ZNF740: variants seen among roughly 807,000 people sequenced by gnomAD.
ZNF740 encodes the protein zinc finger protein 740.
In ZNF740, 14 loss-of-function variants were observed where a neutral mutation model predicts 24.8. That is an observed-to-expected ratio of 0.56 (90% CI 0.37 to 0.88). ZNF740 has a LOEUF of 0.88. ZNF740 is among the 40% of genes least tolerant of loss of function. ZNF740 has a pLI of 0.00. For synonymous variants in ZNF740, 69 were observed against 84.0 expected, an observed-to-expected ratio of 0.82 and a Z score of 0.98; for missense variants, 201 against 247.9, an observed-to-expected ratio of 0.81 and a Z score of 1.27.
intron 2 of ZNF740, among the ~76,000 whole-genome samples, chr12:53,182,426 G>C (rs1941684974): frequency 6.6e-6 from 1 of 152,184 alleles, no homozygotes; most frequent in African/African-American, 2.4e-5. Context: ...AGGCTAGTTG[G>C]GGTCGGGAGA....
At chr12:53,184,198 T>TGTGA (rs1555175934) in intron 2 of ZNF740, among the ~76,000 whole-genome samples, 3 of 146,040 alleles carry the variant, frequency 2.1e-5, no homozygotes, top group Admixed American at 1.4e-4. Flanking sequence ...TGTGTGTGTG[T>TGTGA]GTGAGTGACG....
chr12:53,192,753 G>C lies in ZNF740; in HGVS notation c.*5163G>C. The C allele has an allele frequency of 1.2e-6, 2 of 1,614,234 alleles. No individual in the cohort carries two copies. The highest frequency in any genetic ancestry group is 1.7e-6 in the Non-Finnish European group (2 of 1,180,050). On this transcript the variant is annotated 3_prime_UTR_variant, in exon 7 of 7. Transcript: ENST00000416904. Reference sequence around the variant, plus strand: ...GGTCGCATAGAGCACCATAGTAGCCGTCCAAGCACTGGCAGCGGTTGCATT... The same window carrying C: ...GGTCGCATAGAGCACCATAGTAGCCCTCCAAGCACTGGCAGCGGTTGCATT...
chr12:53,184,146 T>TGTGTGTGC (rs1555175889), intron 2 of ZNF740, among the ~76,000 whole-genome samples: 1 of 103,200 alleles, frequency 9.7e-6, no homozygotes, highest in Admixed American at 9.9e-5. Context: ...TGTGTGTGTG[T>TGTGTGTGC]GTGTGCGCGC....
At position 53,187,555 on chromosome 12, in the gene ZNF740, C is replaced by G. The variant is rs549851436; in HGVS notation, c.547C>G (p.Gln183Glu). ...LRHKRMCQGC[Q>E]SKTSDGQFSL ...ACACAAACGGATGTGCCAAGGGTGC[C>G]AGTCCAAGACTTCCGACGGGCAGTT... Residue 183 changes from glutamine to glutamate, a missense_variant, in exon 7 of 7, where the codon CAG (glutamine) becomes GAG (glutamate). Physicochemically the swap from Gln to Glu is conservative, Grantham distance 29. This residue lies in a region of ZNF740 where 24 missense variants were observed against 17.8 expected (regional missense o/e 1.35). Transcript: ENST00000416904. 1 of 1,613,996 alleles carries G rather than the reference C, an allele frequency of 6.2e-7. No homozygotes were observed. The highest frequency in any genetic ancestry group is 1.1e-5 in the South Asian group (1 of 91,088).
rs1188565907 is a variant in ZNF740 at position 53,184,962 on chromosome 12, G to A, written c.81G>A (p.Met27Ile). 6.2e-7 allele frequency: 1 copy of A among 1,614,066 alleles called. No individual in the cohort carries two copies. Among genetic ancestry groups the A allele is most frequent in the Non-Finnish European group, 8.5e-7 (1 of 1,179,910 alleles). ...LVPTAASKKMMLSQIASKQAE... is the reference protein window; with the variant it reads ...LVPTAASKKMILSQIASKQAE... ...CCACTGCAGCCAGCAAGAAGATGAT[G>A]CTGAGCCAGATTGCCAGCAAGCAGG... is the stretch of plus-strand genomic sequence containing the variant. Residue 27 changes from methionine (M) to isoleucine (I), a missense_variant, in exon 3 of 7, where the codon ATG (methionine) becomes ATA (isoleucine). Physicochemically the swap from Met to Ile is conservative, Grantham distance 10. Coordinates refer to ENST00000416904, the MANE Select transcript of ZNF740 (RefSeq NM_001004304.4).
In ZNF740 at chr12:53,193,427, C is replaced by T. The variant is rs1942039938; in HGVS notation, c.*5837C>T. The T allele has an allele frequency of 2.5e-6, 3 of 1,223,754 alleles. No homozygotes were observed. The highest frequency in any genetic ancestry group is 3.2e-5 in the South Asian group (2 of 63,410). The allele number at this position is 1,223,754 out of a possible 1,614,324, so 75.8% of individuals were successfully genotyped here. Reference sequence around the variant, plus strand: ...GTTTGATCACCCCTGACTTGTCTCTCCCAGGAACCTCTAAACCCAAGTTCT... The same window carrying T: ...GTTTGATCACCCCTGACTTGTCTCTTCCAGGAACCTCTAAACCCAAGTTCT... On this transcript the variant is annotated 3_prime_UTR_variant, in exon 7 of 7. Coordinates refer to ENST00000416904, the MANE Select transcript of ZNF740 (RefSeq NM_001004304.4).
Position 53,191,688 on chromosome 12 carries a change from C to T in ZNF740, c.*4098C>T. ...GCAAAAATCCCAGGATTCCTCGTCC[C>T]CTTTCTAGACCTAAGAGGCCAGCCT... On this transcript the variant is annotated 3_prime_UTR_variant, in exon 7 of 7. Transcript: ENST00000416904. The T allele has an allele frequency of 6.4e-7, 1 of 1,559,982 alleles. No homozygotes were observed. The highest frequency in any genetic ancestry group is 8.8e-7 in the Non-Finnish European group (1 of 1,130,962).
In ZNF740 at chr12:53,185,372, G is replaced by C. The variant is rs770793935; in HGVS notation, c.160-15G>C. 6.8e-6 allele frequency: 11 copies of C among 1,613,586 alleles called. No homozygotes were observed. The highest frequency in any genetic ancestry group is 9.3e-6 in the Non-Finnish European group (11 of 1,179,644). ...CGAGATGGGCTATGAGTTTAGATTT[G>C]ATTTGTCTTCAAAGGGTCACCGAAA... is the stretch of plus-strand genomic sequence containing the variant. On this transcript the variant is annotated splice_polypyrimidine_tract_variant and intron_variant, in intron 3 of 6. Transcript: ENST00000416904.
chr12:53,194,574 G>T lies in ZNF740; in HGVS notation c.*6984G>T. 2.1e-6 allele frequency: 1 copy of T among 470,268 alleles called. No individual in the cohort carries two copies. Among genetic ancestry groups the T allele is most frequent in the Non-Finnish European group, 3.9e-6 (1 of 256,466 alleles). The allele number at this position is 470,268 out of a possible 1,614,324, so 29.1% of individuals were successfully genotyped here. ...ATACAGCATTTCAGTGCAGCTGCCA[G>T]CAAGGGCCACTGAGGGTCACAGGCT... is the stretch of plus-strand genomic sequence containing the variant. On this transcript the variant is annotated 3_prime_UTR_variant, in exon 7 of 7. Transcript: ENST00000416904.
rs1166685125 is a variant in ZNF740 at position 53,192,422 on chromosome 12, C to T, written c.*4832C>T. On this transcript the variant is annotated 3_prime_UTR_variant, in exon 7 of 7. Transcript: ENST00000416904. ...CTGGTTGTCCAGGGTCCGCTCTTTG[C>T]ACCAGCCATCATCCAAGATAGGGGC... 3 of 1,614,128 alleles carry T rather than the reference C, an allele frequency of 1.9e-6. No individual in the cohort carries two copies. The highest frequency in any genetic ancestry group is 2.2e-5 in the South Asian group (2 of 91,072).
Position 53,194,330 on chromosome 12 carries a change from G to A in ZNF740, c.*6740G>A, listed in dbSNP as rs773859000. ...GGAGTGAAGAGTGTTCAAGGGTCAC[G>A]GTGGAAGACAGGCTCTATGGGAAGA... On this transcript the variant is annotated 3_prime_UTR_variant, in exon 7 of 7. Coordinates refer to ENST00000416904, the MANE Select transcript of ZNF740 (RefSeq NM_001004304.4). The A allele has an allele frequency of 1.3e-5, 21 of 1,613,856 alleles. No homozygotes were observed. The Admixed American group carries it at 2.8e-4, about 22-fold the overall frequency.
chr12:53,192,214 G>T lies in ZNF740; in HGVS notation c.*4624G>T. ...CTCAATTGCCTCTGCCTTTGTCCTGGATTCACAGTTCTGCTTCAGCCCCCA... is the reference window on the plus strand; with the variant it reads ...CTCAATTGCCTCTGCCTTTGTCCTGTATTCACAGTTCTGCTTCAGCCCCCA... On this transcript the variant is annotated 3_prime_UTR_variant, in exon 7 of 7. Transcript: ENST00000416904. The T allele has an allele frequency of 7.8e-7, 1 of 1,276,324 alleles. No individual in the cohort carries two copies. The highest frequency in any genetic ancestry group is 1.1e-6 in the Non-Finnish European group (1 of 906,862). The allele number at this position is 1,276,324 out of a possible 1,614,324, so 79.1% of individuals were successfully genotyped here. A position where few individuals can be genotyped will look rare whatever the true frequency, so the allele number is the denominator to read the frequency against.
Position 53,193,770 on chromosome 12 carries a change from G to A in ZNF740, c.*6180G>A. ...TGCAGTGGGGAGCCTGGGGCTGGGT[G>A]TCACTGCAATTACAGTCACACAGCG... On this transcript the variant is annotated 3_prime_UTR_variant, in exon 7 of 7. Transcript: ENST00000416904. 2 of 1,614,076 alleles carry A rather than the reference G, an allele frequency of 1.2e-6. No individual in the cohort carries two copies. The highest frequency in any genetic ancestry group is 1.7e-6 in the Non-Finnish European group (2 of 1,180,002).
chr12:53,182,469 A>G (rs1164884932), intron 2 of ZNF740, among the ~76,000 whole-genome samples: 1 of 152,156 alleles, frequency 6.6e-6, no homozygotes, highest in Non-Finnish European at 1.5e-5. Flanking sequence ...TATATTCACA[A>G]TGCCTTGTAT....
In ZNF740 at chr12:53,194,163, C is replaced by T. The variant is rs1419077389; in HGVS notation, c.*6573C>T. ...CTTAATTTCCCACTCCCACCTCCCCCTGCCCGCCTTCTGCCTGTGCTTGCT... is the reference window on the plus strand; with the variant it reads ...CTTAATTTCCCACTCCCACCTCCCCTTGCCCGCCTTCTGCCTGTGCTTGCT... On this transcript the variant is annotated 3_prime_UTR_variant, in exon 7 of 7. Transcript: ENST00000416904. 2 of 1,612,728 alleles carry T rather than the reference C, an allele frequency of 1.2e-6. No individual in the cohort carries two copies. The highest frequency in any genetic ancestry group is 8.5e-7 in the Non-Finnish European group (1 of 1,178,994).
chr12:53,184,150 T>TGTGTGTGTGCGCGC (rs59250662), intron 2 of ZNF740, among the ~76,000 whole-genome samples: 18 of 104,426 alleles, frequency 1.7e-4, no homozygotes, highest in South Asian at 3.0e-4. Context: ...TGTGTGTGTG[T>TGTGTGTGTGCGCGC]GCGCGCGCGC....
intron 1 of ZNF740, 119 bp from the exon 2 acceptor site, chr12:53,181,558 C>A (rs1941640040): frequency 7.3e-6 from 7 of 952,602 alleles, no homozygotes; most frequent in Non-Finnish European, 8.8e-6. Flanking sequence ...CTCTTCTTGA[C>A]TCATGTCCTC....
At position 53,190,849 on chromosome 12, in the gene ZNF740, A is replaced by G. The variant is rs1265090572; in HGVS notation, c.*3259A>G. On this transcript the variant is annotated 3_prime_UTR_variant, in exon 7 of 7. Coordinates refer to ENST00000416904, the MANE Select transcript of ZNF740 (RefSeq NM_001004304.4). Reference sequence around the variant, plus strand: ...ATTTAGGATATTTAAATAAAAGGAAAATGGGGCTTTTCTACATACTATCTC... The same window carrying G: ...ATTTAGGATATTTAAATAAAAGGAAGATGGGGCTTTTCTACATACTATCTC... 6.6e-6 allele frequency: 1 copy of G among 152,202 alleles called. No individual in the cohort carries two copies. The highest frequency in any genetic ancestry group is 1.5e-5 in the Non-Finnish European group (1 of 68,210). The allele number at this position is 152,202 out of a possible 1,614,324, so 9.4% of individuals were successfully genotyped here.
At chr12:53,181,225 C>A in intron 1 of ZNF740, 1 of 985,470 alleles carries the variant, frequency 1.0e-6, no homozygotes, top group Non-Finnish European at 1.2e-6. Flanking sequence ...AGTTTCCCTA[C>A]CTTCGGGCGG....
Sources: gnomAD v4.1 joint callset for allele counts (sites outside exome capture counted in the v4.1 genomes callset) on GRCh38, gnomAD v4.1.1 for gene constraint, gnomAD v4.1.1 regional missense constraint, MANE v1.5 for transcripts, NCBI Gene and HGNC (gene_info 2026-07-23, HGNC 2026-07-21) for gene names.